Variants in LIPI observed in about 807,000 individuals in gnomAD.
The protein encoded by LIPI is lipase I, also known as lipase member I.
LIPI carries 59 observed loss-of-function variants against 50.6 expected under a neutral mutation model. That is an observed-to-expected ratio of 1.16 (90% confidence interval 0.94 to 1.45). The LOEUF is 1.45. Ranked by LOEUF, LIPI falls within the 40% of genes most tolerant of loss-of-function variation. The pLI, the probability that LIPI is intolerant of heterozygous loss-of-function variation, is 0.00. For synonymous variants in LIPI, 203 were observed against 178.2 expected, an observed-to-expected ratio of 1.14 and a Z score of -1.11; for missense variants, 586 against 536.3, an observed-to-expected ratio of 1.09 and a Z score of -0.92.
At chr21:14,193,965 T>C (rs914610250) in intron 1 of LIPI, among the ~76,000 whole-genome samples, 4 of 152,048 alleles carry the variant, frequency 2.6e-5, no homozygotes, top group Non-Finnish European at 5.9e-5. Flanking sequence ...ACAACCCAAT[T>C]AAAACTGGGC....
At chr21:14,115,548 C>CTGGG (rs1325082412) in intron 9 of LIPI, among the ~76,000 whole-genome samples, 2 of 152,120 alleles carry the variant, frequency 1.3e-5, no homozygotes, top group Non-Finnish European at 2.9e-5. Context: ...GGGGGCTCAT[C>CTGGG]TGGGATTGGA....
chr21:14,166,753 C>T (rs533476035), intron 4 of LIPI, among the ~76,000 whole-genome samples: 1 of 152,332 alleles, frequency 6.6e-6, no homozygotes, highest in South Asian at 2.1e-4. Context: ...ATAGGAAGAG[C>T]TCCAGTCTTC....
intron 1 of LIPI, among the ~76,000 whole-genome samples, chr21:14,200,961 G>A (rs180878236): frequency 6.6e-6 from 1 of 151,898 alleles, no homozygotes; most frequent in African/African-American, 2.4e-5. Context: ...ACATAATGCT[G>A]CACACCTACA....
chr21:14,182,228 A>C (rs369729778), intron 3 of LIPI, among the ~76,000 whole-genome samples: 3 of 152,312 alleles, frequency 2.0e-5, no homozygotes, highest in East Asian at 3.9e-4. Context: ...AACTCTGTAC[A>C]TTACTAGCTC....
intron 1 of LIPI, among the ~76,000 whole-genome samples, chr21:14,193,755 G>T (rs893224994): frequency 2.0e-5 from 3 of 151,096 alleles, no homozygotes; most frequent in East Asian, 3.9e-4. Flanking sequence ...AGAACCACAG[G>T]CGACAACAGA....
chr21:14,127,816 T>C (rs2017126104), intron 9 of LIPI, among the ~76,000 whole-genome samples: 1 of 152,116 alleles, frequency 6.6e-6, no homozygotes, highest in South Asian at 2.1e-4. Flanking sequence ...TTAAAAATGT[T>C]CCTCCTCCTT....
At chr21:14,119,459 T>C (rs1051826250) in intron 9 of LIPI, among the ~76,000 whole-genome samples, 2 of 152,162 alleles carry the variant, frequency 1.3e-5, no homozygotes, top group East Asian at 3.9e-4. Flanking sequence ...AAGGAGACTG[T>C]CTGTAGCATT....
intron 1 of LIPI, among the ~76,000 whole-genome samples, chr21:14,201,862 A>C (rs2020065909): frequency 6.6e-6 from 1 of 152,200 alleles, no homozygotes; most frequent in Non-Finnish European, 1.5e-5. Flanking sequence ...AAGGAAATAC[A>C]GGGTATTCAA....
At chr21:14,121,047 C>T (rs2016843213) in intron 9 of LIPI, among the ~76,000 whole-genome samples, 1 of 152,172 alleles carries the variant, frequency 6.6e-6, no homozygotes, top group African/African-American at 2.4e-5. Flanking sequence ...GCTGTCAGTA[C>T]ATATTAGTGT....
At chr21:14,131,112 G>A (rs1011685644) in intron 9 of LIPI, among the ~76,000 whole-genome samples, 2 of 151,852 alleles carry the variant, frequency 1.3e-5, no homozygotes, top group African/African-American at 4.8e-5. Flanking sequence ...CACCACACCC[G>A]GCTAATTTTT....
At chr21:14,128,643 G>A (rs1170669049) in intron 9 of LIPI, among the ~76,000 whole-genome samples, 1 of 151,600 alleles carries the variant, frequency 6.6e-6, no homozygotes, top group Non-Finnish European at 1.5e-5. Flanking sequence ...AATAGTCAAA[G>A]AAATCATCAA....
chr21:14,182,477 G>A (rs1020548037), intron 3 of LIPI, among the ~76,000 whole-genome samples: 2 of 152,260 alleles, frequency 1.3e-5, no homozygotes, highest in East Asian at 3.9e-4. Context: ...AAAGAGGAGA[G>A]AGAAGATAAA....
chr21:14,114,067 A>T (rs778672470), intron 9 of LIPI, among the ~76,000 whole-genome samples: 29 of 152,150 alleles, frequency 1.9e-4, no homozygotes, highest in Admixed American at 5.2e-4. Flanking sequence ...AGTCCCAGCT[A>T]CTTGGGAGGG....
At chr21:14,159,082 G>A (rs1405669140) in intron 7 of LIPI, among the ~76,000 whole-genome samples, 12 of 151,368 alleles carry the variant, frequency 7.9e-5, no homozygotes, top group South Asian at 4.1e-4. Flanking sequence ...AATCTTGCAC[G>A]ATCTCTTTCA....
At chr21:14,158,793 T>C (rs753242817) in intron 7 of LIPI, among the ~76,000 whole-genome samples, 5 of 150,762 alleles carry the variant, frequency 3.3e-5, no homozygotes, top group Non-Finnish European at 5.9e-5. Context: ...CACAAATCAC[T>C]GTTAGGAATA....
intron 4 of LIPI, among the ~76,000 whole-genome samples, chr21:14,167,106 A>G (rs1448436957): frequency 2.0e-5 from 3 of 152,150 alleles, no homozygotes; most frequent in Admixed American, 6.5e-5. Context: ...AGTCTCACTG[A>G]TGGCTAGCAC....
At chr21:14,123,682 G>A (rs1342396961) in intron 9 of LIPI, among the ~76,000 whole-genome samples, 1 of 152,196 alleles carries the variant, frequency 6.6e-6, no homozygotes, top group Admixed American at 6.5e-5. Flanking sequence ...CTATGGGCCA[G>A]CTAAGTGGGC....
chr21:14,116,582 C>A (rs1267176352), intron 9 of LIPI, among the ~76,000 whole-genome samples: 1 of 152,100 alleles, frequency 6.6e-6, no homozygotes, highest in Admixed American at 6.5e-5. Flanking sequence ...GGCTAAGAAC[C>A]CTTTTTGAAA....
intron 1 of LIPI, among the ~76,000 whole-genome samples, chr21:14,200,045 T>C (rs2123327946): frequency 6.6e-6 from 1 of 152,132 alleles, no homozygotes; most frequent in East Asian, 1.9e-4. Context: ...TTCAGTAAAA[T>C]TCAACATCGC....
Sources: allele counts gnomAD v4.1 joint callset (sites outside exome capture counted in the v4.1 genomes callset), GRCh38; gene constraint gnomAD v4.1.1; transcripts MANE v1.5; gene names NCBI Gene and HGNC (gene_info 2026-07-23, HGNC 2026-07-21).